RBM27: variants seen among roughly 807,000 people sequenced by gnomAD.
RBM27 encodes the protein RNA-binding protein 27.
Under a neutral mutation model 135.3 loss-of-function variants are expected in RBM27, and 22 were observed. That is an observed-to-expected ratio of 0.16 (90% CI 0.12 to 0.23). The LOEUF is 0.23. RBM27 is among the 10% of genes least tolerant of loss of function. The probability of loss-of-function intolerance (pLI) is 1.00; values close to 1 mark genes in which losing one functional copy is unlikely to be tolerated. For synonymous variants in RBM27, 481 were observed against 442.4 expected (o/e 1.09, Z -1.10); for missense variants, 1,009 against 1,281.0 (o/e 0.79, Z 3.24).
intron 2 of RBM27, among the ~76,000 whole-genome samples, chr5:146,221,147 CAAA>C (rs77849788): frequency 1.2e-5 from 1 of 84,108 alleles, no homozygotes. Flanking sequence ...GACTCCATCT[CAAA>C]AAAAAAAAAA....
At chr5:146,255,201 TTA>T in intron 10 of RBM27, 109 bp downstream of exon 10, 1 of 919,344 alleles carries the variant, frequency 1.1e-6, no homozygotes. Flanking sequence ...TCCAAATTAC[TTA>T]TATATTATCT....
At chr5:146,208,381 A>G (rs561155899) in intron 1 of RBM27, among the ~76,000 whole-genome samples, 3 of 152,302 alleles carry the variant, frequency 2.0e-5, no homozygotes, top group African/African-American at 7.2e-5. Flanking sequence ...GAACATGTCT[A>G]TTACTTTTAT....
intron 8 of RBM27, among the ~76,000 whole-genome samples, chr5:146,249,354 A>T (rs1314085697): frequency 6.6e-6 from 1 of 152,032 alleles, no homozygotes; most frequent in East Asian, 1.9e-4. Flanking sequence ...CCTGCCATTG[A>T]TTGTGTGCTT....
intron 12 of RBM27, 74 bp downstream of exon 12, chr5:146,260,972 G>A (rs894902571): frequency 1.4e-6 from 2 of 1,390,588 alleles, no homozygotes; most frequent in Non-Finnish European, 2.0e-6. Flanking sequence ...AGCTCACCTT[G>A]TTTAAATGAG....
chr5:146,228,734 G>A (rs541983459), intron 3 of RBM27, among the ~76,000 whole-genome samples: 190 of 152,132 alleles, frequency 1.2e-3, no homozygotes, highest in Middle Eastern at 3.4e-3. Context: ...CTGAGTAGCT[G>A]GGACTACATA....
At chr5:146,254,654 A>T (rs1264431879) in intron 9 of RBM27, among the ~76,000 whole-genome samples, 1 of 152,202 alleles carries the variant, frequency 6.6e-6, no homozygotes, top group Non-Finnish European at 1.5e-5. Flanking sequence ...CATTTATATT[A>T]TGTATTATAA....
chr5:146,268,861 C>G (rs1758738766), intron 15 of RBM27, among the ~76,000 whole-genome samples: 1 of 152,156 alleles, frequency 6.6e-6, no homozygotes, highest in Non-Finnish European at 1.5e-5. Flanking sequence ...GCCACCATGC[C>G]TAGCCTCACA....
intron 1 of RBM27, among the ~76,000 whole-genome samples, chr5:146,207,769 C>T (rs13160905): frequency 0.21 from 31,290 of 148,488 alleles, 4,135 homozygotes; most frequent in Admixed American, 0.33. Flanking sequence ...ATTCTCCTGC[C>T]TCAGCCTCCC....
intron 2 of RBM27, among the ~76,000 whole-genome samples, chr5:146,220,243 C>T (rs970380147): frequency 6.6e-5 from 10 of 152,098 alleles, no homozygotes; most frequent in South Asian, 2.1e-4. Context: ...TTTGGGAGGC[C>T]GAAGCGGGTG....
chr5:146,238,751 A>C (rs993364396), intron 8 of RBM27, among the ~76,000 whole-genome samples: 3 of 151,940 alleles, frequency 2.0e-5, no homozygotes, highest in Non-Finnish European at 4.4e-5. Context: ...TTGCATCCTA[A>C]ACATTTCTGT....
At chr5:146,257,810 G>GTT (rs879802758) in intron 10 of RBM27, among the ~76,000 whole-genome samples, 5 of 139,800 alleles carry the variant, frequency 3.6e-5, no homozygotes, top group African/African-American at 1.3e-4. Flanking sequence ...CATTGTTTTT[G>GTT]TTTTTTTTTT....
intron 1 of RBM27, among the ~76,000 whole-genome samples, chr5:146,204,557 C>A (rs1207074073): frequency 6.6e-6 from 1 of 152,114 alleles, no homozygotes; most frequent in African/African-American, 2.4e-5. Flanking sequence ...AAAGAGGTTT[C>A]TGTAAGTTTA....
At chr5:146,259,979 CAAAAAAAAAAAAAAA>C (rs34781548) in intron 11 of RBM27, among the ~76,000 whole-genome samples, 3 of 35,294 alleles carry the variant, frequency 8.5e-5, no homozygotes, top group South Asian at 1.4e-3. Flanking sequence ...GACTCCGTCT[CAAAAAAAAAAAAAAA>C]AAAAAAAAAA....
At position 146,260,812 on chromosome 5, in the gene RBM27, G is replaced by C; in HGVS notation, c.1807G>C (p.Glu603Gln). 1 of 1,613,522 alleles carries C rather than the reference G, an allele frequency of 6.2e-7. No individual in the cohort carries two copies. The highest frequency in any genetic ancestry group is 8.5e-7 in the Non-Finnish European group (1 of 1,179,628). ...GAATCAGTATACAAACACCAAATTA[G>C]AAGTCAAGAAAATCCCTCAGGAATT... ...RKNQYTNTKL[E>Q]VKKIPQELNN... The change falls in exon 12 of 21, where the codon GAA (glutamate) becomes CAA (glutamine). Residue 603 changes from glutamate (E) to glutamine (Q), a missense_variant. By Grantham distance (29) the Glu-to-Gln change is conservative. This residue lies in a region of RBM27 where 34 missense variants were observed against 82.8 expected (regional missense o/e 0.41). Coordinates refer to ENST00000265271, the MANE Select transcript of RBM27 (RefSeq NM_018989.2).
Position 146,261,652 on chromosome 5 carries a change from C to T in RBM27, c.2036C>T (p.Pro679Leu), listed in dbSNP as rs748753930. The T allele has an allele frequency of 1.8e-5, 29 of 1,613,946 alleles. No homozygotes were observed. The highest frequency in any genetic ancestry group is 2.3e-5 in the Non-Finnish European group (27 of 1,180,022). ...TGGCATAGGGAAAATAATGAGCAACCGACACTACAGTCCTCAGCACAGCTG... is the reference window on the plus strand; with the variant it reads ...TGGCATAGGGAAAATAATGAGCAACTGACACTACAGTCCTCAGCACAGCTG... ...VLWHRENNEQ[P>L]TLQSSAQLLL... is the part of the protein sequence containing the mutation. The change falls in exon 13 of 21, where the codon CCG becomes CTG. Residue 679 changes from proline (P) to leucine (L), a missense_variant. Transcript: ENST00000265271.
intron 11 of RBM27, among the ~76,000 whole-genome samples, chr5:146,260,413 G>A (rs747209785): frequency 1.3e-5 from 2 of 152,158 alleles, no homozygotes; most frequent in Non-Finnish European, 2.9e-5. Context: ...ACATAGAGAT[G>A]TGGTCTTACT....
At position 146,229,742 on chromosome 5, in the gene RBM27, G is replaced by A. The variant is rs771693625; in HGVS notation, c.421G>A (p.Gly141Arg). 3.1e-6 allele frequency: 5 copies of A among 1,610,370 alleles called. No homozygotes were observed. In the Admixed American group the frequency reaches 5.0e-5, roughly 16 times the overall value. ...GACACGTGAGAAAAAAAGAGAAGAC[G>A]GGAAATGGAGAGACTATGACCGGTA... ...RRTREKKRED[G>R]KWRDYDRYYE... Residue 141 changes from glycine (G) to arginine (R), a missense_variant, in exon 5 of 21, where the codon GGG (glycine) becomes AGG (arginine). Physicochemically the swap from Gly to Arg is moderately radical, Grantham distance 125. Coordinates refer to ENST00000265271, the MANE Select transcript of RBM27 (RefSeq NM_018989.2).
At chr5:146,259,630 C>T (rs1002004114) in intron 11 of RBM27, among the ~76,000 whole-genome samples, 2 of 151,580 alleles carry the variant, frequency 1.3e-5, no homozygotes, top group African/African-American at 2.4e-5. Flanking sequence ...GTTAGTTGGG[C>T]CTTTTCTTTT....
Position 146,266,632 on chromosome 5 carries a change from G to A in RBM27, c.2332-1017G>A, listed in dbSNP as rs114610617. Among the ~76,000 whole-genome samples the A allele has an allele frequency of 3.1e-3, 476 of 152,232 alleles. 4 individuals are homozygous for A. Among genetic ancestry groups the A allele is most frequent in the African/African-American group, 0.011 (460 of 41,550 alleles). On this transcript the variant is annotated intron_variant, in intron 14 of 20. Coordinates refer to ENST00000265271, the MANE Select transcript of RBM27 (RefSeq NM_018989.2). The stretch of plus-strand genomic sequence containing the variant: ...TTCTATATCTCTTATATTATTCAAA[G>A]TTAATTAAGAAGTTTTTAAAAAGAC...
Sources: allele counts gnomAD v4.1 joint callset (sites outside exome capture counted in the v4.1 genomes callset), GRCh38; gene constraint gnomAD v4.1.1; regional missense constraint gnomAD v4.1.1; transcripts MANE v1.5; gene names NCBI Gene and HGNC (gene_info 2026-07-23, HGNC 2026-07-21).